MRTFB: variants seen among roughly 807,000 people sequenced by gnomAD.
MRTFB encodes the protein myocardin related transcription factor B, also known as myocardin-related transcription factor B.
MRTFB carries 29 observed loss-of-function variants against 104.2 expected under a neutral mutation model. The ratio of observed to expected loss-of-function variants is 0.28; its 90% CI spans 0.21 to 0.38. The LOEUF (loss-of-function observed/expected upper bound fraction) is 0.38. Among genes scored for constraint, MRTFB ranks in the 10% least tolerant of loss-of-function variants. MRTFB has a pLI of 1.00. For missense variants in MRTFB, 1,270 were observed against 1,341.6 expected, an observed-to-expected ratio of 0.95 and a Z score of 0.83; for synonymous variants, 535 against 519.5, an observed-to-expected ratio of 1.03 and a Z score of -0.41.
In MRTFB at chr16:14,240,491, CGG is replaced by C; in HGVS notation, c.1079+10_1079+11del. 1 of 1,614,220 alleles carries C rather than the reference CGG, an allele frequency of 6.2e-7. No individual in the cohort carries two copies. Among genetic ancestry groups the C allele is most frequent in the Non-Finnish European group, 8.5e-7 (1 of 1,180,046 alleles). The stretch of plus-strand genomic sequence containing the variant: ...TCCTGCCTGCACCATTCAAGTACGG[CGG>C]GGCCCATGCTATCCTCAACGCGGGG... On this transcript the variant is annotated splice_region_variant and intron_variant, in intron 10 of 16. Coordinates refer to ENST00000571589, the MANE Select transcript of MRTFB (RefSeq NM_001308142.2).
rs562422591 is a variant in MRTFB, at chr16:14,262,570, C to G, written c.*1126C>G. On this transcript the variant is annotated 3_prime_UTR_variant, in exon 17 of 17. Transcript: ENST00000571589. ...TGCCCTGGCCCTCTTTCTTCTGTCA[C>G]TAACCCTGGTTATCATTTTACAGGC... 1 of 152,364 alleles carries G rather than the reference C, an allele frequency of 6.6e-6. No homozygotes were observed. The highest frequency in any genetic ancestry group is 1.9e-4 in the East Asian group (1 of 5,184). 9.4% of individuals were successfully genotyped at this position (152,364 alleles called of 1,614,324 possible).
intron 3 of MRTFB, among the ~76,000 whole-genome samples, chr16:14,208,883 C>A (rs1187624489): frequency 6.6e-6 from 1 of 152,096 alleles, no homozygotes; most frequent in Non-Finnish European, 1.5e-5. Context: ...AATTTTATTT[C>A]TTTTGCTTTG....
chr16:14,210,570 T>A (rs187691611), intron 4 of MRTFB, among the ~76,000 whole-genome samples: 1 of 152,238 alleles, frequency 6.6e-6, no homozygotes, highest in Non-Finnish European at 1.5e-5. Flanking sequence ...ACATTCATTC[T>A]TTCTTTAAAC....
chr16:14,203,237 A>G (rs532438794), intron 3 of MRTFB, among the ~76,000 whole-genome samples: 1 of 151,930 alleles, frequency 6.6e-6, no homozygotes, highest in Non-Finnish European at 1.5e-5. Context: ...TAACTCACAG[A>G]TAGCTGTTCA....
At chr16:14,137,907 T>G (rs1435333041) in intron 2 of MRTFB, among the ~76,000 whole-genome samples, 2 of 152,200 alleles carry the variant, frequency 1.3e-5, no homozygotes, top group African/African-American at 4.8e-5. Context: ...TAAGGTTGGA[T>G]TTAGGTCTAT....
chr16:14,129,293 A>G (rs1461205981), intron 2 of MRTFB, among the ~76,000 whole-genome samples: 1 of 114,318 alleles, frequency 8.7e-6, no homozygotes, highest in Admixed American at 7.8e-5. Flanking sequence ...AGATTCACTT[A>G]TTTAAAGTAT....
intron 3 of MRTFB, among the ~76,000 whole-genome samples, chr16:14,158,762 C>CAGA (rs1331084746): frequency 4.6e-5 from 7 of 152,114 alleles, no homozygotes; most frequent in African/African-American, 1.7e-4. Context: ...TATAGTCAAC[C>CAGA]ATCTACCTTG....
At chr16:14,214,613 C>T (rs568481877) in intron 6 of MRTFB, among the ~76,000 whole-genome samples, 1 of 152,260 alleles carries the variant, frequency 6.6e-6, no homozygotes, top group African/African-American at 2.4e-5. Context: ...AGAGACCCAA[C>T]AAGTGAGCGA....
chr16:14,170,416 C>CTTGTTT (rs2039385997), intron 3 of MRTFB: 1 of 152,188 alleles, frequency 6.6e-6, no homozygotes, highest in African/African-American at 2.4e-5. Flanking sequence ...CTTTCCCTGT[C>CTTGTTT]TGTTAAAAAA....
intron 3 of MRTFB, chr16:14,186,647 T>G: frequency 8.2e-7 from 1 of 1,223,478 alleles, no homozygotes; most frequent in Non-Finnish European, 1.0e-6. Flanking sequence ...GGGGTGGGAT[T>G]TTAGAATCGT....
rs1439183963 is a variant in MRTFB, at chr16:14,086,784, A to C, written c.-64+7430A>C. ...AAGGAATTACTAGCAGTAGTTAAAC[A>C]GAAGTCTTAATTAAAATTAAGGCTT... On this transcript the variant is annotated intron_variant, in intron 2 of 16. Transcript: ENST00000571589. Among the ~76,000 whole-genome samples, 6 of 152,374 alleles carry C rather than the reference A, an allele frequency of 3.9e-5. No individual in the cohort carries two copies. The East Asian group carries it at 1.2e-3, about 29-fold the overall frequency.
At chr16:14,047,157 T>C in the MRTFB span, among the ~76,000 whole-genome samples, 1 of 152,194 alleles carries the variant, frequency 6.6e-6, no homozygotes, top group Non-Finnish European at 1.5e-5. Context: ...GTATGTCAAT[T>C]AGGGATGCTT....
chr16:14,134,581 T>A (rs1235537902), intron 2 of MRTFB, among the ~76,000 whole-genome samples: 1 of 152,234 alleles, frequency 6.6e-6, no homozygotes, highest in Non-Finnish European at 1.5e-5. Context: ...AGAGCAGGGA[T>A]CATGATTGGT....
At chr16:14,081,190 A>G (rs1174982314) in intron 2 of MRTFB, among the ~76,000 whole-genome samples, 1 of 152,054 alleles carries the variant, frequency 6.6e-6, no homozygotes, top group Non-Finnish European at 1.5e-5. Flanking sequence ...GATAGTAGCC[A>G]TTCCAACAGG....
intron 6 of MRTFB, chr16:14,214,794 A>G (rs1198690418): frequency 6.6e-6 from 1 of 152,230 alleles, no homozygotes; most frequent in African/African-American, 2.4e-5. Flanking sequence ...CGAAGCATCA[A>G]GGTGGTCTCT....
intron 3 of MRTFB, among the ~76,000 whole-genome samples, chr16:14,176,443 C>G (rs958527950): frequency 1.3e-5 from 2 of 152,200 alleles, no homozygotes; most frequent in Non-Finnish European, 2.9e-5. Context: ...TTTCTCAGCC[C>G]AGAGAATTAA....
chr16:14,257,982 T>C (rs1004029788), intron 15 of MRTFB, 119 bp from the exon 16 acceptor site: 20 of 864,132 alleles, frequency 2.3e-5, no homozygotes, highest in East Asian at 5.5e-5. Context: ...CTCAGTGTTT[T>C]CAAAATTATC....
chr16:14,202,103 T>G (rs1231636008), intron 3 of MRTFB, among the ~76,000 whole-genome samples: 1 of 150,598 alleles, frequency 6.6e-6, no homozygotes, highest in Non-Finnish European at 1.5e-5. Flanking sequence ...TGTATAAAAT[T>G]CTACTGTTTA....
chr16:14,031,712 T>C, the MRTFB span, among the ~76,000 whole-genome samples: 25 of 152,256 alleles, frequency 1.6e-4, no homozygotes, highest in Middle Eastern at 3.4e-3. Flanking sequence ...AATATTTGTG[T>C]TTTTGTCCTC....
Sources: allele counts gnomAD v4.1 joint callset (sites outside exome capture counted in the v4.1 genomes callset), GRCh38; gene constraint gnomAD v4.1.1; transcripts MANE v1.5; gene names NCBI Gene and HGNC (gene_info 2026-07-23, HGNC 2026-07-21).